The following CD247 variants were observed in gnomAD, a reference collection of about 807,000 sequenced individuals.
CD247 encodes CD247 molecule.
CD247 carries 13 observed loss-of-function variants against 30.0 expected under a neutral mutation model. The observed-to-expected ratio is 0.43, with a 90% CI of 0.28 to 0.69. The LOEUF (loss-of-function observed/expected upper bound fraction) is 0.69, where lower values mean the gene tolerates loss of function less well. Among genes scored for constraint, CD247 ranks in the 30% least tolerant of loss-of-function variants. The probability of loss-of-function intolerance (pLI) is 0.16; values close to 1 mark genes in which losing one functional copy is unlikely to be tolerated. For synonymous variants in CD247, 72 were observed against 80.0 expected (o/e 0.90, Z 0.53); for missense variants, 193 against 212.6 (o/e 0.91, Z 0.57).
At chr1:167,474,940 A>T (rs1204818285) in intron 1 of CD247, among the ~76,000 whole-genome samples, 1 of 151,362 alleles carries the variant, frequency 6.6e-6, no homozygotes, top group East Asian at 1.9e-4. Flanking sequence ...TATAGTAGAG[A>T]CAGGTTTCAC....
At chr1:167,446,239 C>T (rs840010) in intron 1 of CD247, among the ~76,000 whole-genome samples, 151,691 of 152,298 alleles carry the variant, frequency 1, 75,547 homozygotes, top group Middle Eastern at 1. Flanking sequence ...TGTAAACGTT[C>T]CACTTCAAGT....
At chr1:167,476,827 A>T (rs1368686264) in intron 1 of CD247, among the ~76,000 whole-genome samples, 1 of 152,168 alleles carries the variant, frequency 6.6e-6, no homozygotes, top group African/African-American at 2.4e-5. Flanking sequence ...CATCTAACAC[A>T]TATAGAAGGT....
chr1:167,509,854 G>A (rs957359167), intron 1 of CD247, among the ~76,000 whole-genome samples: 6 of 152,076 alleles, frequency 3.9e-5, no homozygotes, highest in African/African-American at 9.7e-5. Flanking sequence ...ATTCTAAGTC[G>A]GGAGAATTGA....
chr1:167,508,254 C>T (rs993440260), intron 1 of CD247, among the ~76,000 whole-genome samples: 22 of 152,096 alleles, frequency 1.4e-4, no homozygotes, highest in East Asian at 1.9e-4. Context: ...TATTGCGCGA[C>T]GAGATGCTCC....
At chr1:167,437,631 A>C (rs1033540261) in intron 4 of CD247, among the ~76,000 whole-genome samples, 1 of 152,174 alleles carries the variant, frequency 6.6e-6, no homozygotes, top group Non-Finnish European at 1.5e-5. Context: ...CAAACACTCC[A>C]TGTTCTCACC....
Position 167,439,417 on chromosome 1 carries a change from A to C in CD247, c.163-17T>G. The C allele has an allele frequency of 6.2e-7, 1 of 1,613,908 alleles. No homozygotes were observed. The highest frequency in any genetic ancestry group is 8.5e-7 in the Non-Finnish European group (1 of 1,179,728). ...CCTGCTGAACTGCAACACAGAAAGCAAAGCGCGTTACTGCTCCGCGAGGGC... is the reference window on the plus strand; with the variant it reads ...CCTGCTGAACTGCAACACAGAAAGCCAAGCGCGTTACTGCTCCGCGAGGGC... On this transcript the variant is annotated splice_polypyrimidine_tract_variant and intron_variant, in intron 2 of 7. Transcript: ENST00000362089.
intron 1 of CD247, among the ~76,000 whole-genome samples, chr1:167,443,206 A>G (rs1226590595): frequency 6.6e-6 from 1 of 152,214 alleles, no homozygotes; most frequent in African/African-American, 2.4e-5. Context: ...CTAGGCTGTC[A>G]GCACCTGAGA....
intron 6 of CD247, 25 bp from the exon 7 acceptor site, chr1:167,433,084 A>G: frequency 6.2e-7 from 1 of 1,613,822 alleles, no homozygotes; most frequent in Non-Finnish European, 8.5e-7. Flanking sequence ...GTGAAATGAG[A>G]AAAGGATTAG....
intron 1 of CD247, among the ~76,000 whole-genome samples, chr1:167,493,089 C>T (rs996075279): frequency 5.8e-5 from 7 of 120,692 alleles, no homozygotes. Context: ...GTCGCCCAGG[C>T]TGGAGTGCAG....
chr1:167,504,307 C>T (rs754157895), intron 1 of CD247, among the ~76,000 whole-genome samples: 4 of 152,216 alleles, frequency 2.6e-5, no homozygotes, highest in Admixed American at 6.5e-5. Context: ...ACTTTACCAG[C>T]CAGGCATATC....
chr1:167,462,815 C>T (rs1653083944), intron 1 of CD247, among the ~76,000 whole-genome samples: 1 of 152,234 alleles, frequency 6.6e-6, no homozygotes, highest in Non-Finnish European at 1.5e-5. Context: ...TCTCCTGTGT[C>T]ATCCTGTCTT....
chr1:167,504,734 G>A (rs1405871162), intron 1 of CD247, among the ~76,000 whole-genome samples: 1 of 152,164 alleles, frequency 6.6e-6, no homozygotes, highest in Non-Finnish European at 1.5e-5. Flanking sequence ...TGTCATTAAC[G>A]GGACGCTAGG....
chr1:167,482,802 T>C (rs1654026631), intron 1 of CD247, among the ~76,000 whole-genome samples: 1 of 152,098 alleles, frequency 6.6e-6, no homozygotes, highest in Non-Finnish European at 1.5e-5. Context: ...GTGAGGGTAG[T>C]TTATCCGGCC....
intron 1 of CD247, among the ~76,000 whole-genome samples, chr1:167,472,484 G>A (rs1430704997): frequency 6.6e-6 from 1 of 152,144 alleles, no homozygotes; most frequent in Non-Finnish European, 1.5e-5. Context: ...GGGAAAGCAA[G>A]TCTAGCAAAA....
chr1:167,438,490 G>T, intron 4 of CD247, 80 bp downstream of exon 4: 1 of 1,118,652 alleles, frequency 8.9e-7, no homozygotes, highest in Non-Finnish European at 1.4e-6. Context: ...TGCAGAGTGA[G>T]CTGAGGAGCC....
intron 1 of CD247, among the ~76,000 whole-genome samples, chr1:167,512,346 A>G (rs1655421541): frequency 6.6e-6 from 1 of 152,162 alleles, no homozygotes. Context: ...GTATTTGGAG[A>G]GGCAAGGAAG....
intron 1 of CD247, among the ~76,000 whole-genome samples, chr1:167,517,543 A>C (rs531069703): frequency 2.6e-5 from 4 of 152,356 alleles, no homozygotes; most frequent in African/African-American, 9.6e-5. Flanking sequence ...GCTTGCAGCA[A>C]AGCTGGGCTC....
chr1:167,451,540 C>T lies in CD247; in HGVS notation c.59-10773G>A, dbSNP rs116403921. ...AAAACCAAGCTCTTCCTACTCTTGC[C>T]CCATAAACCACCCAGAAAGTGGTTG... On this transcript the variant is annotated intron_variant, in intron 1 of 7. Coordinates refer to ENST00000362089, the MANE Select transcript of CD247 (RefSeq NM_198053.3). Among the ~76,000 whole-genome samples, 609 of 152,282 alleles carry T rather than the reference C, an allele frequency of 4.0e-3. 9 individuals carry two copies. Among genetic ancestry groups the T allele is most frequent in the African/African-American group, 0.014 (592 of 41,542 alleles).
chr1:167,449,950 G>T, intron 1 of CD247, among the ~76,000 whole-genome samples: 1 of 151,788 alleles, frequency 6.6e-6, no homozygotes, highest in South Asian at 2.1e-4. Context: ...CTGAAGAATT[G>T]TTTTTTTCAT....
Sources: gnomAD v4.1 joint callset for allele counts (sites outside exome capture counted in the v4.1 genomes callset) on GRCh38, gnomAD v4.1.1 for gene constraint, MANE v1.5 for transcripts, NCBI Gene and HGNC (gene_info 2026-07-23, HGNC 2026-07-21) for gene names.